Variants in TNK2 observed in about 807,000 individuals in gnomAD.
The protein encoded by TNK2 is activated CDC42 kinase 1.
In TNK2, 83 loss-of-function variants were observed where a neutral mutation model predicts 101.8. The observed-to-expected ratio is 0.82, with a 90% CI of 0.68 to 0.98. The LOEUF is 0.98. Among genes scored for constraint, TNK2 ranks in the 50% least tolerant of loss-of-function variants. TNK2 has a pLI of 0.00. For missense variants in TNK2, 1,665 were observed against 1,483.2 expected (o/e 1.12, Z -2.01); for synonymous variants, 804 against 633.0 (o/e 1.27, Z -4.06).
intron 14 of TNK2, 48 bp from the exon 15 acceptor site, chr3:195,867,064 T>G: frequency 6.2e-7 from 1 of 1,610,360 alleles, no homozygotes; most frequent in Non-Finnish European, 8.5e-7. Flanking sequence ...GGGCACCGAC[T>G]AGGGTGGGGA....
In TNK2 at chr3:195,888,026, G is replaced by A. The variant is rs922653827; in HGVS notation, c.163+400C>T. Among the ~76,000 whole-genome samples the A allele has an allele frequency of 6.6e-6, 1 of 152,156 alleles. No individual in the cohort carries two copies. The highest frequency in any genetic ancestry group is 6.5e-5 in the Admixed American group (1 of 15,274). ...TGCGTGTGAGAGAGCAAGAAAGAGA[G>A]CGTGAGCACGAATCAGCAAACCATC... is the stretch of plus-strand genomic sequence containing the variant. On this transcript the variant is annotated intron_variant, in intron 2 of 15. Transcript: ENST00000672887. The surrounding 1 kb of genome is among the most constrained non-coding windows in gnomAD (Gnocchi z 5.3).
chr3:195,888,729 G>A lies in TNK2; in HGVS notation c.-18-123C>T. On this transcript the variant is annotated intron_variant, in intron 1 of 15. Coordinates refer to ENST00000672887, the MANE Select transcript of TNK2 (RefSeq NM_001382273.1). The surrounding 1 kb of genome is among the most constrained non-coding windows in gnomAD (Gnocchi z 5.3). ...CCCGGAAGGGCTCACACCACCTTCT[G>A]ACTCCCGAGGGAAGCTACCGAGAAC... 4 of 928,278 alleles carry A rather than the reference G, an allele frequency of 4.3e-6. No homozygotes were observed. The East Asian group carries it at 8.2e-5, about 19-fold the overall frequency. The allele number at this position is 928,278 out of a possible 1,614,324, so 57.5% of individuals were successfully genotyped here.
rs1256846400 is a variant in TNK2 at position 195,868,700 on chromosome 3, T to TCAC, written c.1597_1598insGTG (p.Tyr533delinsCysAsp). ...GTCTTGGTCCTCGCTCACAGGGTCA[T>TCAC]AGGTTGGTTCTGTGATGGAAAGGGA... On this transcript the variant is annotated protein_altering_variant, in exon 13 of 16. Transcript: ENST00000672887. 6.3e-7 allele frequency: 1 copy of TCAC among 1,575,366 alleles called. No homozygotes were observed. The highest frequency in any genetic ancestry group is 2.3e-5 in the East Asian group (1 of 42,874).
At chr3:195,905,301 G>A (rs750378370) in intron 1 of TNK2, among the ~76,000 whole-genome samples, 12 of 152,112 alleles carry the variant, frequency 7.9e-5, no homozygotes, top group Middle Eastern at 3.2e-3. Flanking sequence ...CCGGGTTCAT[G>A]CGATTCTCCT....
chr3:195,883,012 C>T, intron 5 of TNK2, 145 bp downstream of exon 5: 1 of 936,714 alleles, frequency 1.1e-6, no homozygotes. Context: ...AGGCTGGGCC[C>T]CTGTGGACCC....
At position 195,863,844 on chromosome 3, in the gene TNK2, G is replaced by GT. The variant is rs1333256685; in HGVS notation, c.*336dup. Reference sequence around the variant, plus strand: ...CTGTCACCCAGGGCAGGGCCTGGGGGTACTACTCCACCCACAGGCCCCGCC... The same window carrying GT: ...CTGTCACCCAGGGCAGGGCCTGGGGGTTACTACTCCACCCACAGGCCCCGCC... On this transcript the variant is annotated 3_prime_UTR_variant, in exon 16 of 16. Coordinates refer to ENST00000672887, the MANE Select transcript of TNK2 (RefSeq NM_001382273.1). 6.1e-6 allele frequency: 2 copies of GT among 327,348 alleles called. No homozygotes were observed. The highest frequency in any genetic ancestry group is 1.1e-5 in the Non-Finnish European group (2 of 177,786). 20.3% of individuals were successfully genotyped at this position (327,348 alleles called of 1,614,324 possible). A position where few individuals can be genotyped will look rare whatever the true frequency, so the allele number is the denominator to read the frequency against.
intron 10 of TNK2, 44 bp downstream of exon 10, chr3:195,872,231 TC>T: frequency 6.2e-7 from 1 of 1,605,544 alleles, no homozygotes; most frequent in Non-Finnish European, 8.5e-7. Context: ...GGCCCTGGAG[TC>T]CCGAGCGGGG....
At chr3:195,870,276 C>T (rs930666642) in intron 10 of TNK2, 71 bp from the exon 11 acceptor site, 65 of 1,587,348 alleles carry the variant, frequency 4.1e-5, no homozygotes, top group Non-Finnish European at 5.3e-5. Flanking sequence ...TCATCAGAGC[C>T]CCTTCGTCCT....
chr3:195,868,280 C>A lies in TNK2; in HGVS notation c.2018G>T (p.Gly673Val). 2 of 1,604,022 alleles carry A rather than the reference C, an allele frequency of 1.2e-6. No individual in the cohort carries two copies. Among genetic ancestry groups the A allele is most frequent in the East Asian group, 2.2e-5 (1 of 44,828 alleles). The part of the protein sequence containing the change: ...CSINSTLVGA[G>V]VPAGPSQGQT... ...GCCCTGGCTGGGCCCGGCAGGGACC[C>A]CCGCGCCCACGAGGGTGCTGTTGAT... is the stretch of plus-strand genomic sequence containing the variant. Residue 673 changes from glycine (G) to valine (V), a missense_variant, in exon 13 of 16, where the codon GGG becomes GTG. Physicochemically the swap from Gly to Val is moderately radical, Grantham distance 109 (BLOSUM62 -3). Around this residue, in one of 3 missense-constraint regions of TNK2, gnomAD observed 1,136 missense variants for 894.9 expected, o/e 1.27. Transcript: ENST00000672887.
intron 4 of TNK2, 54 bp from the exon 5 acceptor site, chr3:195,883,363 G>T: frequency 6.2e-7 from 1 of 1,600,238 alleles, no homozygotes; most frequent in Non-Finnish European, 8.5e-7. Flanking sequence ...CCAGACACGC[G>T]GAGCCAACCT....
At chr3:195,895,854 GC>G in intron 1 of TNK2, 1 of 160,836 alleles carries the variant, frequency 6.2e-6, no homozygotes, top group Non-Finnish European at 1.3e-5. Context: ...CCCCCAGCCT[GC>G]CCCGGCGGCC....
Position 195,885,250 on chromosome 3 carries a change from G to T in TNK2, c.235-217C>A. On this transcript the variant is annotated intron_variant, in intron 3 of 15. Transcript: ENST00000672887. This position sits in a 1 kb window ranked among gnomAD's most constrained non-coding sequence, Gnocchi z 4.7. The stretch of plus-strand genomic sequence containing the variant: ...CAAAGCCTGATGCTGGCCTCAAGGA[G>T]GGTGCCAGAAAGAGACCGACAGGCA... 1 of 1,080,760 alleles carries T rather than the reference G, an allele frequency of 9.3e-7. No individual in the cohort carries two copies. Among genetic ancestry groups the T allele is most frequent in the South Asian group, 1.7e-5 (1 of 59,874 alleles). 66.9% of individuals were successfully genotyped at this position (1,080,760 alleles called of 1,614,324 possible).
At chr3:195,864,278 C>G in intron 15 of TNK2, 91 bp from the exon 16 acceptor site, 1 of 1,466,052 alleles carries the variant, frequency 6.8e-7, no homozygotes. Flanking sequence ...CCAGGCAACA[C>G]CACTGGAAGC....
In TNK2 at chr3:195,884,862, A is replaced by C. The variant is rs1754888612; in HGVS notation, c.406T>G (p.Ser136Ala). The C allele has an allele frequency of 6.2e-7, 1 of 1,613,610 alleles. No homozygotes were observed. Among genetic ancestry groups the C allele is most frequent in the Non-Finnish European group, 8.5e-7 (1 of 1,179,954 alleles). ...TCGCCCCTGCGCACCACGCCAAAGG[A>C]ACCATCACCCAGCTTCTCCAGGAGG... Reference protein sequence around the residue: ...LRLLEKLGDGSFGVVRRGEWD... With the variant: ...LRLLEKLGDGAFGVVRRGEWD... Residue 136 changes from serine (S) to alanine (A), a missense_variant, in exon 4 of 16, where the codon TCC (serine) becomes GCC (alanine). Physicochemically the swap from Ser to Ala is moderately conservative, Grantham distance 99. Coordinates refer to ENST00000672887, the MANE Select transcript of TNK2 (RefSeq NM_001382273.1).
chr3:195,879,126 T>G lies in TNK2; in HGVS notation c.937A>C (p.Thr313Pro). The G allele has an allele frequency of 6.2e-7, 1 of 1,613,492 alleles. No homozygotes were observed. The change falls in exon 7 of 16, where the codon ACC (threonine) becomes CCC (proline). Residue 313 changes from threonine (T) to proline (P), a missense_variant. Coordinates refer to ENST00000672887, the MANE Select transcript of TNK2 (RefSeq NM_001382273.1). ...CACAGTGTCACCCCGAACATCCAGG[T>G]GTCGCTGGCATGGGAGAAGGTGCGT... ...KTRTFSHASD[T>P]WMFGVTLWEM...
intron 4 of TNK2, chr3:195,883,556 A>T (rs1236750251): frequency 9.9e-6 from 5 of 503,636 alleles, no homozygotes; most frequent in Non-Finnish European, 1.8e-5. Context: ...TGCCGGGCTT[A>T]AATACCAACC....
rs965523133 is a variant in TNK2, at chr3:195,883,102, A to C, written c.609+55T>G. 55 of 1,588,658 alleles carry C rather than the reference A, an allele frequency of 3.5e-5. No individual in the cohort carries two copies. The Middle Eastern group carries it at 1.0e-3, about 29-fold the overall frequency. ...AGGATGGAGAGAGGAACCGAACCAC[A>C]CATATGGGACCGGAGCCCTCTCCCT... On this transcript the variant is annotated intron_variant, in intron 5 of 15. Transcript: ENST00000672887.
At position 195,883,214 on chromosome 3, in the gene TNK2, G is replaced by A. The variant is rs56289265; in HGVS notation, c.552C>T (p.Leu184=). Residue 184 remains leucine, a synonymous_variant, in exon 5 of 16, where the codon CTC becomes CTT. Transcript: ENST00000672887. ...AGAGGCGGATGAGGTTTCGGTGGTC[G>A]AGCGAGTGCATGGCATTGACCTCCC... ...FIREVNAMHS[L]DHRNLIRLYG... 180 of 1,611,244 alleles carry A rather than the reference G, an allele frequency of 1.1e-4. No homozygotes were observed. The highest frequency in any genetic ancestry group is 1.0e-3 in the East Asian group (45 of 44,892).
Position 195,870,195 on chromosome 3 carries a change from C to A in TNK2, c.1462G>T (p.Gly488Ter). The A allele has an allele frequency of 6.3e-7, 1 of 1,579,006 alleles. No individual in the cohort carries two copies. Among genetic ancestry groups the A allele is most frequent in the Non-Finnish European group, 8.6e-7 (1 of 1,160,650 alleles). ...AGGTCGGGGGGGTCCATGGGGTTTC[C>A]CAGATACAGTCTGTGGGGGAGAGAG... The part of the protein sequence containing the change: ...FPDRIDELYL[G>*]NPMDPPDLLS... Residue 488 changes from glycine (G) to a stop codon, truncating the protein, a stop_gained, in exon 11 of 16, where the codon GGA (glycine) becomes TGA (stop). Coordinates refer to ENST00000672887, the MANE Select transcript of TNK2 (RefSeq NM_001382273.1). LOFTEE classifies it high-confidence loss of function.
Sources: gnomAD v4.1 joint callset for allele counts (sites outside exome capture counted in the v4.1 genomes callset) on GRCh38, gnomAD v4.1.1 for gene constraint, gnomAD v4.1.1 regional missense constraint, Gnocchi (gnomAD v3.1) non-coding constraint, MANE v1.5 for transcripts, NCBI Gene and HGNC (gene_info 2026-07-23, HGNC 2026-07-21) for gene names.